CADPS: variants seen among roughly 807,000 people sequenced by gnomAD.
The protein encoded by CADPS is calcium dependent secretion activator.
Under a neutral mutation model 167.3 loss-of-function variants are expected in CADPS, and 57 were observed. That is an observed-to-expected ratio of 0.34 (90% CI 0.28 to 0.42). The LOEUF is 0.42. Ranked by LOEUF, CADPS falls within the 20% of genes least tolerant of loss-of-function variation. The probability of loss-of-function intolerance (pLI) is 1.00; values close to 1 mark genes in which losing one functional copy is unlikely to be tolerated. For synonymous variants in CADPS, 676 were observed against 635.3 expected (o/e 1.06, Z -0.96); for missense variants, 1,414 against 1,738.1 (o/e 0.81, Z 3.32).
chr3:62,723,898 G>T (rs898552615), intron 3 of CADPS, among the ~76,000 whole-genome samples: 1 of 152,206 alleles, frequency 6.6e-6, no homozygotes, highest in Non-Finnish European at 1.5e-5. Flanking sequence ...GGAGGCCTTG[G>T]AGAGGCTTTG....
At chr3:62,843,532 C>T (rs897279124) in intron 1 of CADPS, among the ~76,000 whole-genome samples, 39 of 129,910 alleles carry the variant, frequency 3.0e-4, no homozygotes, top group African/African-American at 1.1e-3. Flanking sequence ...TGTGTGTACA[C>T]ATGAAAACTA....
intron 6 of CADPS, among the ~76,000 whole-genome samples, chr3:62,608,480 G>A (rs2061011768): frequency 6.6e-6 from 1 of 151,840 alleles, no homozygotes; most frequent in African/African-American, 2.4e-5. Flanking sequence ...ATGGGGTTTT[G>A]CCATGTTGCC....
chr3:62,478,350 G>A lies in CADPS; in HGVS notation c.3240C>T (p.Asp1080=), dbSNP rs148430862. ...CAAACTCTTCTTCAGGCCAGTGCAG[G>A]TCCCGAATGAAGGTCTGAAGGGCGT... ...KLDALQTFIR[D]LHWPEEEFGK... is the part of the protein sequence containing the mutation. Residue 1080 remains aspartate (D), a synonymous_variant, in exon 23 of 30, where the codon GAC becomes GAT. Coordinates refer to ENST00000383710, the MANE Select transcript of CADPS (RefSeq NM_003716.4). This position sits in a 1 kb window ranked among gnomAD's most constrained non-coding sequence, Gnocchi z 5.7. The A allele has an allele frequency of 6.2e-5, 100 of 1,613,826 alleles. 1 individual carries two copies. The East Asian group carries it at 2.2e-3, about 35-fold the overall frequency.
At chr3:62,609,036 C>A (rs1454983866) in intron 6 of CADPS, among the ~76,000 whole-genome samples, 1 of 152,134 alleles carries the variant, frequency 6.6e-6, no homozygotes, top group Non-Finnish European at 1.5e-5. Flanking sequence ...TAGGTTCAAC[C>A]AAGACTGTCT....
intron 2 of CADPS, among the ~76,000 whole-genome samples, chr3:62,762,409 C>A (rs1016494266): frequency 2.6e-5 from 4 of 152,082 alleles, no homozygotes; most frequent in African/African-American, 9.7e-5. Flanking sequence ...GTAATCCCAG[C>A]ATTTTGGGGG....
At chr3:62,400,596 T>C (rs1156618188) in intron 29 of CADPS, among the ~76,000 whole-genome samples, 2 of 84,540 alleles carry the variant, frequency 2.4e-5, no homozygotes, top group African/African-American at 3.9e-5. Flanking sequence ...TTTCTTTTTT[T>C]TTTTCTTTTT....
intron 3 of CADPS, among the ~76,000 whole-genome samples, chr3:62,702,574 C>T (rs576572684): frequency 3.9e-5 from 6 of 151,978 alleles, no homozygotes; most frequent in African/African-American, 9.7e-5. Flanking sequence ...TCGATAGTAC[C>T]GGGTCACTGA....
chr3:62,592,449 C>T (rs183279410), intron 7 of CADPS, among the ~76,000 whole-genome samples, 188 bp downstream of exon 7: 190 of 152,294 alleles, frequency 1.2e-3, no homozygotes, highest in Non-Finnish European at 2.0e-3. Context: ...AGAAGAGAAT[C>T]TGAGGCTCAG....
chr3:62,752,585 G>A (rs2152412392), intron 3 of CADPS, among the ~76,000 whole-genome samples: 1 of 152,254 alleles, frequency 6.6e-6, no homozygotes, highest in South Asian at 2.1e-4. Context: ...GGGAATATTA[G>A]CAAACAAGGC....
chr3:62,442,334 C>T (rs1439481160), intron 27 of CADPS, among the ~76,000 whole-genome samples: 1 of 151,870 alleles, frequency 6.6e-6, no homozygotes, highest in Non-Finnish European at 1.5e-5. Context: ...GCCTCAGCCT[C>T]TCTGGAGGAG....
rs1439492829 is a variant in CADPS, at chr3:62,421,079, A to T, written c.3777+17025T>A. Among the ~76,000 whole-genome samples, 1 of 152,144 alleles carries T rather than the reference A, an allele frequency of 6.6e-6. No homozygotes were observed. Among genetic ancestry groups the T allele is most frequent in the African/African-American group, 2.4e-5 (1 of 41,442 alleles). ...GTTTGGGATCCACCAGCCAGGAGGT[A>T]AGAAGTCTGCGTCAGGTCCCCCATT... On this transcript the variant is annotated intron_variant, in intron 28 of 29. Transcript: ENST00000383710. This position sits in a 1 kb window ranked among gnomAD's most constrained non-coding sequence, Gnocchi z 4.7.
At chr3:62,728,373 A>G (rs574585772) in intron 3 of CADPS, among the ~76,000 whole-genome samples, 2 of 151,888 alleles carry the variant, frequency 1.3e-5, no homozygotes, top group South Asian at 4.2e-4. Context: ...CAACCTAATT[A>G]GGAAAATTTT....
At chr3:62,663,713 G>C (rs2073857127) in intron 3 of CADPS, among the ~76,000 whole-genome samples, 1 of 151,546 alleles carries the variant, frequency 6.6e-6, no homozygotes, top group African/African-American at 2.4e-5. Flanking sequence ...AAAATATATG[G>C]TCATACTTTT....
chr3:62,715,353 C>T (rs1451462847), intron 3 of CADPS, among the ~76,000 whole-genome samples: 2 of 140,374 alleles, frequency 1.4e-5, no homozygotes, highest in South Asian at 2.2e-4. Context: ...GTTGGCCAGC[C>T]CTATCTATCT....
At chr3:62,655,162 A>G (rs901320381) in intron 4 of CADPS, among the ~76,000 whole-genome samples, 3 of 152,214 alleles carry the variant, frequency 2.0e-5, no homozygotes, top group African/African-American at 7.2e-5. Context: ...GAAAACAAGG[A>G]CATTTTTCTG....
At chr3:62,622,290 GT>G in intron 6 of CADPS, among the ~76,000 whole-genome samples, 1 of 152,216 alleles carries the variant, frequency 6.6e-6, no homozygotes, top group Admixed American at 6.5e-5. Context: ...AACCACAAAT[GT>G]TTATTGAATT....
intron 13 of CADPS, among the ~76,000 whole-genome samples, 160 bp from the exon 14 acceptor site, chr3:62,518,410 G>A (rs952616932): frequency 2.9e-4 from 44 of 152,178 alleles, no homozygotes; most frequent in African/African-American, 1.0e-3. Flanking sequence ...TTCCAAAGGC[G>A]TTGGGTTGTG....
At chr3:62,842,123 CTCAT>C (rs1260658309) in intron 1 of CADPS, among the ~76,000 whole-genome samples, 1 of 152,110 alleles carries the variant, frequency 6.6e-6, no homozygotes, top group Non-Finnish European at 1.5e-5. Flanking sequence ...CTACATGGAC[CTCAT>C]TCATTATGGG....
intron 1 of CADPS, among the ~76,000 whole-genome samples, chr3:62,834,974 C>T (rs1044796686): frequency 6.6e-6 from 1 of 152,078 alleles, no homozygotes; most frequent in Non-Finnish European, 1.5e-5. Context: ...ATTTTACTTC[C>T]ATTTTCCATG....
Sources: gnomAD v4.1 joint callset for allele counts (sites outside exome capture counted in the v4.1 genomes callset) on GRCh38, gnomAD v4.1.1 for gene constraint, Gnocchi (gnomAD v3.1) non-coding constraint, MANE v1.5 for transcripts, NCBI Gene and HGNC (gene_info 2026-07-23, HGNC 2026-07-21) for gene names.